The following CIROZ variants were observed in gnomAD, a reference collection of about 807,000 sequenced individuals.
CIROZ encodes the protein ciliated left-right organizer ZP-N domains-containing protein.
the CIROZ span, chr1:10,948,692 C>T: frequency 1.8e-5 from 29 of 1,597,380 alleles, no homozygotes; most frequent in Admixed American, 1.0e-4. Flanking sequence ...CCGAGGGGAG[C>T]GTGGCTGGAG....
At chr1:10,951,255 T>C in the CIROZ span, among the ~76,000 whole-genome samples, 29 of 151,828 alleles carry the variant, frequency 1.9e-4, no homozygotes, top group East Asian at 5.3e-3. Context: ...GCAACATGCA[T>C]GATCTCATCT....
the CIROZ span, among the ~76,000 whole-genome samples, chr1:10,971,050 G>A: frequency 6.9e-6 from 1 of 144,646 alleles, no homozygotes; most frequent in African/African-American, 2.6e-5. Context: ...TACTCAGGAG[G>A]TGAGGCGGAA....
the CIROZ span, chr1:10,957,180 G>A: frequency 1.6e-6 from 2 of 1,256,862 alleles, no homozygotes; most frequent in South Asian, 1.5e-5. Context: ...CTCCACAGGG[G>A]CCCCCTCTCC....
chr1:10,959,502 A>G, the CIROZ span, among the ~76,000 whole-genome samples: 9 of 152,114 alleles, frequency 5.9e-5, no homozygotes, highest in Non-Finnish European at 1.2e-4. The surrounding 1 kb of genome is among the most constrained non-coding windows in gnomAD (Gnocchi z 4.3). Context: ...CTTTCTCCAA[A>G]TGCCCCTTTG....
At chr1:10,974,377 T>TAGAG in the CIROZ span, among the ~76,000 whole-genome samples, 6 of 151,846 alleles carry the variant, frequency 4.0e-5, no homozygotes, top group African/African-American at 1.5e-4. This position sits in a 1 kb window ranked among gnomAD's most constrained non-coding sequence, Gnocchi z 4.4. Context: ...CTGAGAGCAG[T>TAGAG]AGAGGGTGGG....
chr1:10,974,902 G>T, the CIROZ span, among the ~76,000 whole-genome samples: 4 of 150,320 alleles, frequency 2.7e-5, no homozygotes, highest in African/African-American at 5.0e-5. The surrounding 1 kb of genome is among the most constrained non-coding windows in gnomAD (Gnocchi z 4.4). Flanking sequence ...TGAAGTTGCT[G>T]TCAATAGTGA....
chr1:10,981,536 CAGGGAGGGAAGGAAGGA>C, the CIROZ span, among the ~76,000 whole-genome samples: 10 of 133,752 alleles, frequency 7.5e-5, no homozygotes, highest in Admixed American at 4.3e-4. Context: ...GGAAGGAAGG[CAGGGAGGGAAGGAAGGA>C]AGGGAGGGAA....
At chr1:10,948,162 G>T in the CIROZ span, 1 of 1,613,736 alleles carries the variant, frequency 6.2e-7, no homozygotes, top group Non-Finnish European at 8.5e-7. Context: ...TGGCAGGATG[G>T]AGAGTCCCGG....
chr1:10,981,868 T>A, the CIROZ span: 1 of 994,746 alleles, frequency 1.0e-6, no homozygotes, highest in Admixed American at 2.3e-5. Context: ...CATCCATGCA[T>A]CTGGGCCCCT....
At chr1:10,950,235 A>G in the CIROZ span, among the ~76,000 whole-genome samples, 3 of 151,938 alleles carry the variant, frequency 2.0e-5, no homozygotes, top group Non-Finnish European at 4.4e-5. Flanking sequence ...GGGTTTCACC[A>G]TGTTAGCCAG....
the CIROZ span, among the ~76,000 whole-genome samples, chr1:10,970,734 C>G: frequency 6.6e-6 from 1 of 152,048 alleles, no homozygotes; most frequent in Non-Finnish European, 1.5e-5. Context: ...ACCAAGTTCC[C>G]AAGTGATGGC....
the CIROZ span, among the ~76,000 whole-genome samples, chr1:10,972,919 C>CT: frequency 6.6e-6 from 1 of 151,264 alleles, no homozygotes; most frequent in Non-Finnish European, 1.5e-5. Flanking sequence ...AGATGCCCCC[C>CT]CCATCTCTAA....
chr1:10,970,117 G>A, the CIROZ span: 1 of 1,474,094 alleles, frequency 6.8e-7, no homozygotes, highest in Non-Finnish European at 9.1e-7. Flanking sequence ...AGGAGGGAGG[G>A]AGGTGGGGAA....
chr1:10,950,282 G>A, the CIROZ span, among the ~76,000 whole-genome samples: 6 of 151,972 alleles, frequency 3.9e-5, no homozygotes, highest in South Asian at 6.2e-4. Context: ...TGATCTGCCC[G>A]CCTTGGCCTG....
the CIROZ span, among the ~76,000 whole-genome samples, chr1:10,956,080 T>G: frequency 6.6e-6 from 1 of 152,094 alleles, no homozygotes; most frequent in Non-Finnish European, 1.5e-5. Context: ...TGAGCCCTGA[T>G]CCCGAAACTC....
the CIROZ span, among the ~76,000 whole-genome samples, chr1:10,977,222 G>T: frequency 6.6e-6 from 1 of 151,958 alleles, no homozygotes. Context: ...TGAATCTCGT[G>T]CCTATAATCC....
At chr1:10,957,897 G>T in the CIROZ span, 1 of 912,482 alleles carries the variant, frequency 1.1e-6, no homozygotes, top group Non-Finnish European at 1.6e-6. Context: ...CAGGACGGCA[G>T]GCCACTCTGG....
chr1:10,974,114 A>T, the CIROZ span, among the ~76,000 whole-genome samples: 2 of 152,130 alleles, frequency 1.3e-5, no homozygotes, highest in African/African-American at 4.8e-5. This position sits in a 1 kb window ranked among gnomAD's most constrained non-coding sequence, Gnocchi z 4.4. Context: ...GGAATGGGGC[A>T]GGTCCCCAGT....
chr1:10,978,498 C>G, the CIROZ span, among the ~76,000 whole-genome samples: 1,158 of 148,382 alleles, frequency 7.8e-3, 20 homozygotes, highest in African/African-American at 0.027. Context: ...CACTTGAGCC[C>G]AGGAGTTTGA....
Sources: gnomAD v4.1 joint callset for allele counts (sites outside exome capture counted in the v4.1 genomes callset) on GRCh38, gnomAD v4.1.1 for gene constraint, Gnocchi (gnomAD v3.1) non-coding constraint, MANE v1.5 for transcripts, NCBI Gene and HGNC (gene_info 2026-07-23, HGNC 2026-07-21) for gene names.